The following DLC1 variants were observed in gnomAD, a reference collection of about 807,000 sequenced individuals.
The protein encoded by DLC1 is rho GTPase-activating protein 7.
A neutral mutation model predicts 140.3 loss-of-function variants in DLC1; 54 were observed. The ratio of observed to expected loss-of-function variants is 0.38; its 90% CI spans 0.31 to 0.48. The LOEUF is 0.48. Ranked by LOEUF, DLC1 falls within the 20% of genes least tolerant of loss-of-function variation. DLC1 has a pLI of 0.96. For missense variants in DLC1, 2,536 were observed against 1,907.0 expected, an observed-to-expected ratio of 1.33 and a Z score of -6.14; for synonymous variants, 986 against 728.1, an observed-to-expected ratio of 1.35 and a Z score of -5.70.
At position 13,328,795 on chromosome 8, in the gene DLC1, C is replaced by T. The variant is rs531389454; in HGVS notation, c.1315-23493G>A. 1.8e-4 allele frequency among the ~76,000 whole-genome samples: 24 copies of T among 134,906 alleles called. No homozygotes were observed. In the East Asian group the frequency reaches 5.4e-3, roughly 30 times the overall value. The allele number at this position is 134,906 out of a possible 152,430, so 88.5% of individuals were successfully genotyped here. A position where few individuals can be genotyped will look rare whatever the true frequency, so the allele number is the denominator to read the frequency against. ...CCAGCCAGAGGTGAAAGGGGAAGACCAGAAAAGTGTGATGTCACAGAAGCG... is the reference window on the plus strand; with the variant it reads ...CCAGCCAGAGGTGAAAGGGGAAGACTAGAAAAGTGTGATGTCACAGAAGCG... On this transcript the variant is annotated intron_variant, in intron 4 of 17. Coordinates refer to ENST00000276297, the MANE Select transcript of DLC1 (RefSeq NM_182643.3).
At chr8:13,402,754 C>G (rs1459650940) in intron 2 of DLC1, among the ~76,000 whole-genome samples, 1 of 152,164 alleles carries the variant, frequency 6.6e-6, no homozygotes, top group Non-Finnish European at 1.5e-5. Context: ...TGATGATGGC[C>G]TGAATCACAA....
rs553612135 is a variant in DLC1 at position 13,393,763 on chromosome 8, A to G, written c.1174-70T>C. The G allele has an allele frequency of 2.9e-5, 45 of 1,541,402 alleles. No individual in the cohort carries two copies. The Admixed American group carries it at 7.9e-4, about 27-fold the overall frequency. On this transcript the variant is annotated intron_variant, in intron 3 of 17. Coordinates refer to ENST00000276297, the MANE Select transcript of DLC1 (RefSeq NM_182643.3). ...CCCAAATGCCCTTCTTCCTACCACCAGAACTTTGTCACTTCTTCTTTCTCC... is the reference window on the plus strand; with the variant it reads ...CCCAAATGCCCTTCTTCCTACCACCGGAACTTTGTCACTTCTTCTTTCTCC...
intron 4 of DLC1, among the ~76,000 whole-genome samples, chr8:13,309,769 C>G (rs1241948505): frequency 6.6e-6 from 1 of 152,136 alleles, no homozygotes; most frequent in Non-Finnish European, 1.5e-5. Flanking sequence ...CGCACAGAAG[C>G]TGCTAACGTA....
At chr8:13,423,060 C>T (rs540332024) in intron 2 of DLC1, among the ~76,000 whole-genome samples, 1 of 152,118 alleles carries the variant, frequency 6.6e-6, no homozygotes, top group Non-Finnish European at 1.5e-5. Flanking sequence ...CTAGCTCTAG[C>T]TCAGTTCTTA....
At chr8:13,550,687 A>C (rs1803815705) in intron 1 of DLC1, among the ~76,000 whole-genome samples, 1 of 152,120 alleles carries the variant, frequency 6.6e-6, no homozygotes, top group Non-Finnish European at 1.5e-5. Flanking sequence ...TGTTATCTTT[A>C]ATTAAAGCTT....
At chr8:13,604,437 T>A (rs1211127101) in intron 1 of DLC1, 2 of 152,176 alleles carry the variant, frequency 1.3e-5, no homozygotes, top group African/African-American at 4.8e-5. Flanking sequence ...GTGACAATAT[T>A]TTTAGAAAGA....
chr8:13,285,665 A>G (rs1831513907), intron 5 of DLC1, among the ~76,000 whole-genome samples: 1 of 152,158 alleles, frequency 6.6e-6, no homozygotes, highest in African/African-American at 2.4e-5. Context: ...GTTGGAGAGA[A>G]TGTGGAGCAA....
In DLC1 at chr8:13,190,103, ATGT is replaced by A. The variant is rs1477139797; in HGVS notation, c.1349-74449_1349-74447del. On this transcript the variant is annotated intron_variant, in intron 5 of 17. Coordinates refer to ENST00000276297, the MANE Select transcript of DLC1 (RefSeq NM_182643.3). ...CTAATGCAATTTTTTATTTTACTCAATGTATTCCAAATATCATTTTGGCAGGTA... is the reference window on the plus strand; with the variant it reads ...CTAATGCAATTTTTTATTTTACTCAAATTCCAAATATCATTTTGGCAGGTA... Among the ~76,000 whole-genome samples, 8 of 152,322 alleles carry A rather than the reference ATGT, an allele frequency of 5.3e-5. No homozygotes were observed. In the East Asian group the frequency reaches 1.3e-3, roughly 26 times the overall value.
At chr8:13,152,697 C>A (rs989127563) in intron 5 of DLC1, among the ~76,000 whole-genome samples, 1 of 151,556 alleles carries the variant, frequency 6.6e-6, no homozygotes, top group Non-Finnish European at 1.5e-5. Flanking sequence ...GTCCCAGCTA[C>A]TGGGGGTGGG....
intron 5 of DLC1, among the ~76,000 whole-genome samples, chr8:13,195,463 C>G (rs1203740710): frequency 6.6e-6 from 1 of 152,138 alleles, no homozygotes; most frequent in African/African-American, 2.4e-5. Context: ...AGTGTGAGTA[C>G]AGCTCTTTGC....
intron 1 of DLC1, among the ~76,000 whole-genome samples, chr8:13,546,566 A>G (rs933605943): frequency 5.9e-5 from 9 of 152,300 alleles, no homozygotes; most frequent in Admixed American, 1.3e-4. Flanking sequence ...TGGTTTATCC[A>G]TGAATCACCA....
At chr8:13,511,810 A>G (rs1398102892) in intron 1 of DLC1, among the ~76,000 whole-genome samples, 1 of 152,176 alleles carries the variant, frequency 6.6e-6, no homozygotes, top group African/African-American at 2.4e-5. Context: ...ATAGTTTTTA[A>G]AGAGTGATTC....
chr8:13,251,960 G>T (rs900690358), intron 5 of DLC1, among the ~76,000 whole-genome samples: 1 of 152,098 alleles, frequency 6.6e-6, no homozygotes, highest in South Asian at 2.1e-4. Context: ...AGGGAAATGG[G>T]ATACCAGAAA....
chr8:13,132,852 T>C (rs1822229682), intron 5 of DLC1: 1 of 1,478,528 alleles, frequency 6.8e-7, no homozygotes, highest in Non-Finnish European at 9.3e-7. Context: ...AGGCACCGAC[T>C]TGACAAGGCG....
At chr8:13,556,318 G>A (rs1804043538) in intron 1 of DLC1, among the ~76,000 whole-genome samples, 1 of 152,118 alleles carries the variant, frequency 6.6e-6, no homozygotes, top group African/African-American at 2.4e-5. Context: ...CTAGAGTGTG[G>A]CATCTGTAAC....
intron 1 of DLC1, among the ~76,000 whole-genome samples, chr8:13,585,575 G>A (rs146576768): frequency 2.6e-5 from 4 of 152,268 alleles, no homozygotes; most frequent in South Asian, 2.1e-4. Flanking sequence ...AACAACATAC[G>A]TGTATTGTCT....
rs779202345 is a variant in DLC1, at chr8:13,499,059, C to G, written c.1013G>C (p.Arg338Pro). ...GTGCATATGTCTTACCTTTCTCTTA[C>G]GAAGTCTGACTTGGTTATCTGTGGG... ...QEPTDNQVRLRKRKEIREDRD... is the reference protein window; with the variant it reads ...QEPTDNQVRLPKRKEIREDRD... Residue 338 changes from arginine to proline, a missense_variant, in exon 2 of 18, where the codon CGT (arginine) becomes CCT (proline). Coordinates refer to ENST00000276297, the MANE Select transcript of DLC1 (RefSeq NM_182643.3). 6.2e-7 allele frequency: 1 copy of G among 1,609,218 alleles called. No homozygotes were observed. Among genetic ancestry groups the G allele is most frequent in the Non-Finnish European group, 8.5e-7 (1 of 1,178,008 alleles).
chr8:13,429,611 C>T (rs893983358), intron 2 of DLC1, among the ~76,000 whole-genome samples: 1 of 152,152 alleles, frequency 6.6e-6, no homozygotes, highest in African/African-American at 2.4e-5. Flanking sequence ...AAAGTTTTAT[C>T]CTATGTATCT....
chr8:13,239,291 G>A (rs934366903), intron 5 of DLC1, among the ~76,000 whole-genome samples: 3 of 152,132 alleles, frequency 2.0e-5, no homozygotes, highest in Middle Eastern at 3.4e-3. Flanking sequence ...AGGGAAGAGC[G>A]GGGCAAATAA....
Sources: gnomAD v4.1 joint callset for allele counts (sites outside exome capture counted in the v4.1 genomes callset) on GRCh38, gnomAD v4.1.1 for gene constraint, MANE v1.5 for transcripts, NCBI Gene and HGNC (gene_info 2026-07-23, HGNC 2026-07-21) for gene names.